The following CTNNA3 variants were observed in gnomAD, a reference collection of about 807,000 sequenced individuals.
The protein encoded by CTNNA3 is catenin alpha-3.
A neutral mutation model predicts 95.7 loss-of-function variants in CTNNA3; 76 were observed. The ratio of observed to expected loss-of-function variants is 0.79; its 90% CI spans 0.66 to 0.96. CTNNA3 has a LOEUF of 0.96. CTNNA3 is among the 40% of genes least tolerant of loss of function. The pLI, the probability that CTNNA3 is intolerant of heterozygous loss-of-function variation, is 0.00. For synonymous variants in CTNNA3, 431 were observed against 374.4 expected, an observed-to-expected ratio of 1.15 and a Z score of -1.74; for missense variants, 1,191 against 1,089.8, an observed-to-expected ratio of 1.09 and a Z score of -1.31.
chr10:65,960,318 C>G (rs1463427019), intron 17 of CTNNA3, among the ~76,000 whole-genome samples: 1 of 151,710 alleles, frequency 6.6e-6, no homozygotes, highest in African/African-American at 2.4e-5. Context: ...GGGTGGATCA[C>G]AAGGTCAGGA....
chr10:67,726,625 A>AC (rs1564841362), intron 1 of CTNNA3, among the ~76,000 whole-genome samples: 7 of 5,712 alleles, frequency 1.2e-3, no homozygotes, highest in African/African-American at 1.9e-3. Context: ...TATAATATAT[A>AC]TTATATTATA....
At chr10:67,613,210 G>A (rs568923361) in intron 2 of CTNNA3, among the ~76,000 whole-genome samples, 195 of 152,136 alleles carry the variant, frequency 1.3e-3, no homozygotes, top group African/African-American at 4.5e-3. Flanking sequence ...CTCCTTGTTC[G>A]TAGCTCTTGT....
intron 11 of CTNNA3, among the ~76,000 whole-genome samples, chr10:66,424,213 G>C (rs899728772): frequency 4.0e-5 from 6 of 151,554 alleles, no homozygotes; most frequent in African/African-American, 1.5e-4. Context: ...AAATTATTCA[G>C]TCCTGCAAGG....
At chr10:66,633,133 G>A (rs188893899) in intron 9 of CTNNA3, among the ~76,000 whole-genome samples, 11 of 152,254 alleles carry the variant, frequency 7.2e-5, no homozygotes, top group African/African-American at 2.2e-4. Flanking sequence ...AATTTAAAAT[G>A]TTCAGAACTG....
At chr10:65,944,553 G>A (rs1245974602) in intron 17 of CTNNA3, among the ~76,000 whole-genome samples, 1 of 152,218 alleles carries the variant, frequency 6.6e-6, no homozygotes, top group East Asian at 1.9e-4. Context: ...GGAAGGCAAA[G>A]TGGAGGAGTT....
chr10:67,180,094 A>T (rs1441728188), intron 7 of CTNNA3, among the ~76,000 whole-genome samples: 3 of 152,106 alleles, frequency 2.0e-5, no homozygotes, highest in Non-Finnish European at 4.4e-5. Context: ...CAAACAAAAC[A>T]ATCACCTGTA....
chr10:67,085,957 T>TG (rs1564881147), intron 7 of CTNNA3, among the ~76,000 whole-genome samples: 1 of 151,678 alleles, frequency 6.6e-6, no homozygotes. Flanking sequence ...AGAAGATCTT[T>TG]CCCTCCACTC....
chr10:66,061,731 C>A (rs572461050), intron 15 of CTNNA3, among the ~76,000 whole-genome samples: 1 of 152,120 alleles, frequency 6.6e-6, no homozygotes, highest in Admixed American at 6.6e-5. Flanking sequence ...CATGAACTTT[C>A]TCACATACAT....
At chr10:67,355,782 C>T (rs1304714908) in intron 5 of CTNNA3, among the ~76,000 whole-genome samples, 1 of 151,978 alleles carries the variant, frequency 6.6e-6, no homozygotes, top group African/African-American at 2.4e-5. Context: ...TTGATTACTT[C>T]ACCTTTATCC....
chr10:67,155,983 A>G (rs1353271006), intron 7 of CTNNA3, among the ~76,000 whole-genome samples: 2 of 152,092 alleles, frequency 1.3e-5, no homozygotes, highest in Non-Finnish European at 2.9e-5. Context: ...GTTACATATA[A>G]TGATCAGATT....
At position 66,346,219 on chromosome 10, in the gene CTNNA3, A is replaced by G. The variant is rs1589120686; in HGVS notation, c.1732+32933T>C. Among the ~76,000 whole-genome samples the G allele has an allele frequency of 7.3e-5, 7 of 95,440 alleles. No individual in the cohort carries two copies. In the South Asian group the frequency reaches 1.6e-3, roughly 21 times the overall value. The allele number at this position is 95,440 out of a possible 152,430, so 62.6% of individuals were successfully genotyped here. ...AGTAAGTATGTGTGTGTGTATATAT[A>G]TATATATATATATATATATATATAT... On this transcript the variant is annotated intron_variant, in intron 12 of 17. Transcript: ENST00000433211.
chr10:66,765,131 A>C (rs1462935039), intron 9 of CTNNA3, among the ~76,000 whole-genome samples: 1 of 152,180 alleles, frequency 6.6e-6, no homozygotes, highest in East Asian at 1.9e-4. Context: ...CACTCCTTTC[A>C]TCTTCTAGTT....
chr10:67,564,667 G>A (rs1242763080), intron 3 of CTNNA3, among the ~76,000 whole-genome samples: 1 of 82,158 alleles, frequency 1.2e-5, no homozygotes, highest in South Asian at 5.2e-4. Flanking sequence ...GCATATATGT[G>A]TGTGTGTGTG....
chr10:66,144,521 C>T (rs1204585062), intron 13 of CTNNA3, among the ~76,000 whole-genome samples: 3 of 151,146 alleles, frequency 2.0e-5, no homozygotes, highest in East Asian at 3.9e-4. Flanking sequence ...GAGTTTCGCT[C>T]GTGTTGCCCA....
intron 5 of CTNNA3, among the ~76,000 whole-genome samples, chr10:67,509,034 G>T (rs890269161): frequency 1.3e-5 from 2 of 151,662 alleles, no homozygotes; most frequent in Admixed American, 1.3e-4. Context: ...CTGCCACCAC[G>T]CCTGCTAATT....
intron 7 of CTNNA3, among the ~76,000 whole-genome samples, chr10:66,811,489 T>C (rs186306500): frequency 3.0e-4 from 45 of 152,340 alleles, no homozygotes; most frequent in African/African-American, 9.9e-4. Flanking sequence ...ATCACTATAA[T>C]TCTTTAGCTT....
chr10:67,631,260 C>A (rs1292182538), intron 2 of CTNNA3, among the ~76,000 whole-genome samples: 2 of 151,716 alleles, frequency 1.3e-5, no homozygotes, highest in African/African-American at 4.8e-5. Flanking sequence ...GGCTAAATAT[C>A]CCTGCAAAAT....
intron 13 of CTNNA3, among the ~76,000 whole-genome samples, chr10:66,150,828 T>A (rs1050992795): frequency 1.3e-5 from 2 of 152,020 alleles, no homozygotes; most frequent in African/African-American, 4.8e-5. Flanking sequence ...TTTCTTAAGG[T>A]AAAAACTTAT....
At chr10:66,007,955 C>A (rs2078931316) in intron 15 of CTNNA3, among the ~76,000 whole-genome samples, 1 of 151,866 alleles carries the variant, frequency 6.6e-6, no homozygotes, top group Admixed American at 6.6e-5. Flanking sequence ...TAGGCCACAG[C>A]CTTTTTCTAC....
Sources: gnomAD v4.1 joint callset for allele counts (sites outside exome capture counted in the v4.1 genomes callset) on GRCh38, gnomAD v4.1.1 for gene constraint, MANE v1.5 for transcripts, NCBI Gene and HGNC (gene_info 2026-07-23, HGNC 2026-07-21) for gene names.